Variants in ATP6V1H observed in about 807,000 individuals in gnomAD.
The protein encoded by ATP6V1H is ATPase H+ transporting V1 subunit H, also known as V-type proton ATPase subunit H.
Under a neutral mutation model 71.7 loss-of-function variants are expected in ATP6V1H, and 39 were observed. The ratio of observed to expected loss-of-function variants is 0.54; its 90% CI spans 0.42 to 0.71. The LOEUF (loss-of-function observed/expected upper bound fraction) is 0.71, where lower values mean the gene tolerates loss of function less well. Among genes scored for constraint, ATP6V1H ranks in the 30% least tolerant of loss-of-function variants. The pLI is 0.00. For missense variants in ATP6V1H, 509 were observed against 594.9 expected (o/e 0.86, Z 1.50); for synonymous variants, 192 against 199.3 (o/e 0.96, Z 0.31).
intron 9 of ATP6V1H, among the ~76,000 whole-genome samples, chr8:53,779,350 A>T (rs1389026881): frequency 6.6e-6 from 1 of 152,058 alleles, no homozygotes; most frequent in Non-Finnish European, 1.5e-5. Flanking sequence ...CCGTAATGGA[A>T]TTAAGCTTAA....
In ATP6V1H at chr8:53,780,020, G is replaced by A. The variant is rs142999284; in HGVS notation, c.871-7853C>T. On this transcript the variant is annotated intron_variant, in intron 9 of 13. Coordinates refer to ENST00000359530, the MANE Select transcript of ATP6V1H (RefSeq NM_015941.4). ...CTAAAAATACAAAAATTAGCCAGGCGTGGTGCTGCATGCCTGTAATCACAG... is the reference window on the plus strand; with the variant it reads ...CTAAAAATACAAAAATTAGCCAGGCATGGTGCTGCATGCCTGTAATCACAG... 4.9e-3 allele frequency among the ~76,000 whole-genome samples: 741 copies of A among 152,054 alleles called. 7 individuals are homozygous for A. The highest frequency in any genetic ancestry group is 0.016 in the African/African-American group (681 of 41,456).
chr8:53,832,907 C>A, intron 3 of ATP6V1H, 77 bp downstream of exon 3: 1 of 896,978 alleles, frequency 1.1e-6, no homozygotes, highest in Non-Finnish European at 1.7e-6. Flanking sequence ...AACTGGAAGT[C>A]ACTTATAATC....
At chr8:53,814,070 T>C (rs1810368150) in intron 6 of ATP6V1H, among the ~76,000 whole-genome samples, 1 of 152,198 alleles carries the variant, frequency 6.6e-6, no homozygotes. Flanking sequence ...CAGTTTGAAA[T>C]GCCCCTGGTG....
intron 2 of ATP6V1H, among the ~76,000 whole-genome samples, chr8:53,840,604 C>A (rs1444900877): frequency 3.3e-5 from 5 of 152,046 alleles, no homozygotes; most frequent in Non-Finnish European, 7.4e-5. Flanking sequence ...ATTTTTGTAG[C>A]CTCAAAGCCT....
intron 13 of ATP6V1H, among the ~76,000 whole-genome samples, chr8:53,738,392 A>G (rs1807303148): frequency 1.3e-5 from 2 of 152,214 alleles, no homozygotes; most frequent in Admixed American, 1.3e-4. Flanking sequence ...CCCCACCCAC[A>G]GAAGGAAGAG....
chr8:53,746,012 C>T (rs918940557), intron 12 of ATP6V1H, among the ~76,000 whole-genome samples: 41 of 152,168 alleles, frequency 2.7e-4, no homozygotes, highest in African/African-American at 9.7e-4. Flanking sequence ...CAGAAAACTG[C>T]CATGTTGTGA....
At chr8:53,805,173 A>G (rs1810041108) in intron 7 of ATP6V1H, among the ~76,000 whole-genome samples, 1 of 152,254 alleles carries the variant, frequency 6.6e-6, no homozygotes, top group South Asian at 2.1e-4. Context: ...TAAGTGAAAA[A>G]GAATAAAGAC....
chr8:53,715,888 G>T lies in ATP6V1H; in HGVS notation c.*76C>A, dbSNP rs139073155. On this transcript the variant is annotated 3_prime_UTR_variant, in exon 14 of 14. Coordinates refer to ENST00000359530, the MANE Select transcript of ATP6V1H (RefSeq NM_015941.4). Reference sequence around the variant, plus strand: ...GAAATTCCAAGTAAAATCAAACAGTGTTCACTCTTAACTCTAAACACAGTG... The same window carrying T: ...GAAATTCCAAGTAAAATCAAACAGTTTTCACTCTTAACTCTAAACACAGTG... The T allele has an allele frequency of 1.3e-4, 167 of 1,268,598 alleles. 1 individual carries two copies. In the East Asian group the frequency reaches 3.2e-3, roughly 24 times the overall value. 78.6% of individuals were successfully genotyped at this position (1,268,598 alleles called of 1,614,324 possible).
chr8:53,833,233 A>G, intron 2 of ATP6V1H, 147 bp from the exon 3 acceptor site: 1 of 587,364 alleles, frequency 1.7e-6, no homozygotes, highest in East Asian at 2.8e-5. Context: ...ACCTGGATTC[A>G]ATGCTTAGTT....
At chr8:53,839,734 A>G in intron 2 of ATP6V1H, 1 of 985,382 alleles carries the variant, frequency 1.0e-6, no homozygotes, top group African/African-American at 1.7e-5. Flanking sequence ...GAAAATGGTG[A>G]ATGGTCTCAA....
intron 11 of ATP6V1H, among the ~76,000 whole-genome samples, chr8:53,760,445 C>A (rs1310185230): frequency 1.3e-5 from 2 of 152,290 alleles, no homozygotes; most frequent in South Asian, 2.1e-4. Flanking sequence ...ATGTATAAAA[C>A]CCCAAGTCAA....
intron 1 of ATP6V1H, 143 bp from the exon 2 acceptor site, chr8:53,841,868 A>G (rs768784992): frequency 1.2e-5 from 9 of 762,270 alleles, no homozygotes; most frequent in Non-Finnish European, 7.7e-6. Flanking sequence ...GTCTGAAAGT[A>G]TCATTATATT....
intron 5 of ATP6V1H, among the ~76,000 whole-genome samples, chr8:53,815,068 C>T (rs1277627865): frequency 6.6e-6 from 1 of 152,104 alleles, no homozygotes; most frequent in Non-Finnish European, 1.5e-5. Flanking sequence ...CAGCAAAAAA[C>T]AGAACACAAA....
At chr8:53,717,669 G>A (rs932948383) in intron 13 of ATP6V1H, among the ~76,000 whole-genome samples, 1 of 152,018 alleles carries the variant, frequency 6.6e-6, no homozygotes, top group Non-Finnish European at 1.5e-5. Flanking sequence ...CACTATCAAT[G>A]CTGCTCCTCT....
chr8:53,779,185 C>G (rs949489879), intron 9 of ATP6V1H, among the ~76,000 whole-genome samples: 5 of 152,010 alleles, frequency 3.3e-5, no homozygotes, highest in African/African-American at 1.2e-4. Flanking sequence ...ACACTGTCAA[C>G]CACCCTGACC....
In ATP6V1H at chr8:53,843,232, C is replaced by G. The variant is rs1811402620; in HGVS notation, c.-234G>C. On this transcript the variant is annotated 5_prime_UTR_variant, in exon 1 of 14. Transcript: ENST00000359530. Reference sequence around the variant, plus strand: ...CCCGCACCAAGGAGACGTTGAGGGCCGCACAGGTAGAAGGAAGCCAGGGCG... The same window carrying G: ...CCCGCACCAAGGAGACGTTGAGGGCGGCACAGGTAGAAGGAAGCCAGGGCG... 6.6e-6 allele frequency: 1 copy of G among 152,372 alleles called. No individual in the cohort carries two copies. Among genetic ancestry groups the G allele is most frequent in the Non-Finnish European group, 1.5e-5 (1 of 68,184 alleles). 9.4% of individuals were successfully genotyped at this position (152,372 alleles called of 1,614,324 possible).
intron 4 of ATP6V1H, among the ~76,000 whole-genome samples, chr8:53,818,333 T>C (rs1164806018): frequency 1.3e-5 from 2 of 152,208 alleles, no homozygotes; most frequent in African/African-American, 2.4e-5. Context: ...AGTTCTTTAG[T>C]GGTGATTTGT....
rs536221432 is a variant in ATP6V1H at position 53,743,690 on chromosome 8, C to G, written c.1278G>C (p.Arg426=). ...GCTTCCCACCGAGCTGCTCGATGAC[C>G]CTGCAAACGGGAGAGACGTGGTGAG... ...EYVRHYPRGK[R]VIEQLGGKQL... is the part of the protein sequence containing the mutation. Residue 426 remains arginine, a splice_region_variant and synonymous_variant, in exon 13 of 14, where the codon CGG becomes CGC. Coordinates refer to ENST00000359530, the MANE Select transcript of ATP6V1H (RefSeq NM_015941.4). 6.2e-5 allele frequency: 100 copies of G among 1,602,792 alleles called. No homozygotes were observed. The South Asian group carries it at 1.1e-3, about 17-fold the overall frequency.
intron 3 of ATP6V1H, among the ~76,000 whole-genome samples, chr8:53,831,213 G>C (rs905164350): frequency 6.6e-6 from 1 of 152,200 alleles, no homozygotes; most frequent in Non-Finnish European, 1.5e-5. Flanking sequence ...TTTCCTTGTT[G>C]TGTGAACATC....
Sources: allele counts gnomAD v4.1 joint callset (sites outside exome capture counted in the v4.1 genomes callset), GRCh38; gene constraint gnomAD v4.1.1; transcripts MANE v1.5; gene names NCBI Gene and HGNC (gene_info 2026-07-23, HGNC 2026-07-21).